Variants in ABCG2 observed in about 807,000 individuals in gnomAD.
ABCG2 encodes broad substrate specificity ATP-binding cassette transporter ABCG2.
A neutral mutation model predicts 73.5 loss-of-function variants in ABCG2; 80 were observed. The ratio of observed to expected loss-of-function variants is 1.09; its 90% CI spans 0.91 to 1.31. The LOEUF (loss-of-function observed/expected upper bound fraction) is 1.31, where lower values mean the gene tolerates loss of function less well. ABCG2 is among the 50% of genes most tolerant of loss of function. The probability of loss-of-function intolerance (pLI) is 0.00; values close to 1 mark genes in which losing one functional copy is unlikely to be tolerated. For synonymous variants in ABCG2, 269 were observed against 282.4 expected, an observed-to-expected ratio of 0.95 and a Z score of 0.48; for missense variants, 796 against 786.2, an observed-to-expected ratio of 1.01 and a Z score of -0.15.
intron 8 of ABCG2, among the ~76,000 whole-genome samples, chr4:88,114,484 G>A (rs572619448): frequency 5.1e-4 from 78 of 152,034 alleles, no homozygotes; most frequent in Middle Eastern, 3.4e-3. Flanking sequence ...AAAATTAGCC[G>A]GGCCTGGTGG....
intron 6 of ABCG2, among the ~76,000 whole-genome samples, chr4:88,119,232 T>G (rs373107672): frequency 2.6e-5 from 4 of 152,260 alleles, no homozygotes; most frequent in African/African-American, 9.6e-5. Context: ...TCCACGAAAA[T>G]TGTGAGATCT....
At chr4:88,176,758 C>A (rs1728003385) in intron 1 of ABCG2, among the ~76,000 whole-genome samples, 1 of 146,088 alleles carries the variant, frequency 6.8e-6, no homozygotes, top group South Asian at 2.1e-4. Context: ...CCTCCTACTT[C>A]TGGGATTATA....
intron 7 of ABCG2, among the ~76,000 whole-genome samples, chr4:88,116,922 C>A (rs1723614380): frequency 6.6e-6 from 1 of 152,150 alleles, no homozygotes; most frequent in Admixed American, 6.5e-5. Flanking sequence ...AAGAACCATG[C>A]TGTCCAAGAT....
Position 88,118,237 on chromosome 4 carries a change from A to G in ABCG2, c.713T>C (p.Ile238Thr). ...TCGAGGCTGATGAATGGAGAAGATG[A>G]TTGTTCGTCCCTGCTTAGACATCCT... ...LKRMSKQGRTIIFSIHQPRYS... is the reference protein window; with the variant it reads ...LKRMSKQGRTTIFSIHQPRYS... The change falls in exon 7 of 16, where the codon ATC becomes ACC. Residue 238 changes from isoleucine to threonine, a missense_variant. By Grantham distance (89) the Ile-to-Thr change is moderately conservative. Transcript: ENST00000237612. 5.0e-6 allele frequency: 8 copies of G among 1,614,146 alleles called. No individual in the cohort carries two copies. Among genetic ancestry groups the G allele is most frequent in the South Asian group, 3.3e-5 (3 of 91,074 alleles).
At chr4:88,212,851 T>A (rs1444412622) in intron 1 of ABCG2, among the ~76,000 whole-genome samples, 2 of 152,184 alleles carry the variant, frequency 1.3e-5, no homozygotes, top group African/African-American at 2.4e-5. Flanking sequence ...CAGTTGAACG[T>A]GGGTGGAGAA....
chr4:88,144,449 C>CTTTTTTTTTTTTTTTTTTTTTTTTTTT, intron 1 of ABCG2, among the ~76,000 whole-genome samples: 1 of 77,582 alleles, frequency 1.3e-5, no homozygotes, highest in Non-Finnish European at 2.2e-5. Context: ...CACATTTTTA[C>CTTTTTTTTTTTTTTTTTTTTTTTTTTT]TTTTTTTTTT....
chr4:88,115,111 G>A lies in ABCG2; in HGVS notation c.842-53C>T. 2.3e-6 allele frequency: 3 copies of A among 1,288,726 alleles called. No individual in the cohort carries two copies. In the South Asian group the frequency reaches 3.7e-5, roughly 16 times the overall value. 79.8% of individuals were successfully genotyped at this position (1,288,726 alleles called of 1,614,324 possible). A position where few individuals can be genotyped will look rare whatever the true frequency, so the allele number is the denominator to read the frequency against. ...AAACTTGATGGTCTTGGAAAACAAA[G>A]AGAACTCACTTTCAGAGGGTGAGGG... On this transcript the variant is annotated intron_variant, in intron 7 of 15. Coordinates refer to ENST00000237612, the MANE Select transcript of ABCG2 (RefSeq NM_004827.3).
intron 1 of ABCG2, among the ~76,000 whole-genome samples, chr4:88,191,233 G>A (rs1578267034): frequency 7.4e-6 from 1 of 135,460 alleles, no homozygotes; most frequent in African/African-American, 2.6e-5. Flanking sequence ...GATCGCGCCA[G>A]TGCACTCCAG....
At chr4:88,154,903 G>T (rs539492240) in intron 1 of ABCG2, among the ~76,000 whole-genome samples, 4 of 152,166 alleles carry the variant, frequency 2.6e-5, no homozygotes, top group African/African-American at 9.7e-5. Flanking sequence ...TTAGGGCGGC[G>T]GCAGCCACTG....
At chr4:88,100,321 G>A (rs549359556) in intron 11 of ABCG2, among the ~76,000 whole-genome samples, 2 of 152,040 alleles carry the variant, frequency 1.3e-5, no homozygotes, top group African/African-American at 2.4e-5. Context: ...CCAACATGGC[G>A]AAACCCCATC....
intron 1 of ABCG2, among the ~76,000 whole-genome samples, chr4:88,197,203 A>C (rs1404205784): frequency 6.6e-6 from 1 of 151,970 alleles, no homozygotes; most frequent in Non-Finnish European, 1.5e-5. Flanking sequence ...ACAACAAAAA[A>C]AAAAAAACAA....
intron 1 of ABCG2, among the ~76,000 whole-genome samples, chr4:88,170,776 C>A (rs375707822): frequency 6.6e-6 from 1 of 152,232 alleles, no homozygotes. Context: ...CCACAGGCAG[C>A]GAGCGACCGG....
In ABCG2 at chr4:88,177,736, A is replaced by C. The variant is rs897186733; in HGVS notation, c.-19-37722T>G. Among the ~76,000 whole-genome samples, 32 of 152,176 alleles carry C rather than the reference A, an allele frequency of 2.1e-4. 1 individual carries two copies. The highest frequency in any genetic ancestry group is 7.0e-4 in the African/African-American group (29 of 41,450). The stretch of plus-strand genomic sequence containing the variant: ...CCCAATCTCTCTCGGCAGTGGCCAC[A>C]TACCATGGAGAGAGAAATCTGTGTG... On this transcript the variant is annotated intron_variant, in intron 1 of 15. Transcript: ENST00000515655.
intron 1 of ABCG2, among the ~76,000 whole-genome samples, chr4:88,203,874 C>A (rs1484170986): frequency 8.2e-6 from 1 of 121,850 alleles, no homozygotes; most frequent in African/African-American, 2.6e-5. Flanking sequence ...TCCAGTGGCA[C>A]AATATTTTTT....
chr4:88,141,239 G>C (rs1021619507), intron 1 of ABCG2, among the ~76,000 whole-genome samples: 1 of 152,048 alleles, frequency 6.6e-6, no homozygotes, highest in African/African-American at 2.4e-5. Flanking sequence ...CAACCAAAGC[G>C]GCCAGGACAT....
At chr4:88,151,686 C>T (rs1726494619) in intron 1 of ABCG2, among the ~76,000 whole-genome samples, 1 of 151,446 alleles carries the variant, frequency 6.6e-6, no homozygotes, top group Non-Finnish European at 1.5e-5. Context: ...TTGCAGTGAG[C>T]CGAGATGGCG....
At chr4:88,114,395 G>A (rs1723380532) in intron 8 of ABCG2, among the ~76,000 whole-genome samples, 1 of 152,130 alleles carries the variant, frequency 6.6e-6, no homozygotes, top group Non-Finnish European at 1.5e-5. Flanking sequence ...GGGAGGCCAA[G>A]GCGGGAGGAT....
At chr4:88,155,080 G>C (rs891900972) in intron 1 of ABCG2, among the ~76,000 whole-genome samples, 1 of 152,094 alleles carries the variant, frequency 6.6e-6, no homozygotes, top group African/African-American at 2.4e-5. Context: ...CTAGGGTGGG[G>C]GGCAGTCTCT....
At position 88,118,142 on chromosome 4, in the gene ABCG2, C is replaced by T. The variant is rs767893166; in HGVS notation, c.808G>A (p.Ala270Thr). The change falls in exon 7 of 16, where the codon GCT becomes ACT. Residue 270 changes from alanine (A) to threonine (T), a missense_variant. By Grantham distance (58) the Ala-to-Thr change is moderately conservative. Transcript: ENST00000237612. The stretch of plus-strand genomic sequence containing the variant: ...TCAAAGTATCCCAAGGCCTCCTGAG[C>T]AGGCCCGTGGAACATAAGTCTTCCT... ...ASGRLMFHGP[A>T]QEALGYFESA... 1.2e-6 allele frequency: 2 copies of T among 1,613,974 alleles called. No homozygotes were observed. Among genetic ancestry groups the T allele is most frequent in the South Asian group, 1.1e-5 (1 of 91,038 alleles).
Sources: gnomAD v4.1 joint callset for allele counts (sites outside exome capture counted in the v4.1 genomes callset) on GRCh38, gnomAD v4.1.1 for gene constraint, MANE v1.5 for transcripts, NCBI Gene and HGNC (gene_info 2026-07-23, HGNC 2026-07-21) for gene names.